Variants in UFD1 observed in about 807,000 individuals in gnomAD.
UFD1 encodes ubiquitin recognition factor in ER-associated degradation protein 1.
UFD1 carries 13 observed loss-of-function variants against 45.9 expected under a neutral mutation model. The ratio of observed to expected loss-of-function variants is 0.28; its 90% CI spans 0.18 to 0.45. UFD1 has a LOEUF of 0.45. UFD1 is among the 20% of genes least tolerant of loss of function. UFD1 has a pLI of 1.00. For missense variants in UFD1, 218 were observed against 389.2 expected, an observed-to-expected ratio of 0.56 and a Z score of 3.70; for synonymous variants, 128 against 139.2, an observed-to-expected ratio of 0.92 and a Z score of 0.56.
chr22:19,458,185 C>T (rs1189863718), intron 6 of UFD1, 46 bp from the exon 7 acceptor site: 1 of 1,607,976 alleles, frequency 6.2e-7, no homozygotes, highest in Non-Finnish European at 8.5e-7. Flanking sequence ...CCTGGCAGCA[C>T]TGGAGCTGTC....
At chr22:19,469,572 G>C (rs190771219) in intron 4 of UFD1, among the ~76,000 whole-genome samples, 133 of 152,300 alleles carry the variant, frequency 8.7e-4, no homozygotes, top group African/African-American at 2.2e-3. Context: ...GGCTAGTCCA[G>C]GGCTCGGATC....
intron 11 of UFD1, chr22:19,451,935 A>T: frequency 1.0e-6 from 1 of 985,286 alleles, no homozygotes; most frequent in Non-Finnish European, 1.2e-6. Flanking sequence ...TATTTCCTGG[A>T]TTCTATGACT....
rs140617559 is a variant in UFD1, at chr22:19,459,289, C to T, written c.496-1150G>A. On this transcript the variant is annotated intron_variant, in intron 6 of 11. Transcript: ENST00000263202. ...GTCATGTTGCTTGTGTCTAAGATGA[C>T]CTCACCTATGTAAAAAAGGCACATA... Among the ~76,000 whole-genome samples the T allele has an allele frequency of 5.3e-5, 8 of 152,280 alleles. No individual in the cohort carries two copies. The East Asian group carries it at 1.5e-3, about 29-fold the overall frequency.
rs201638789 is a variant in UFD1 at position 19,455,635 on chromosome 22, C to T, written c.767+45G>A. On this transcript the variant is annotated intron_variant, in intron 10 of 11. Transcript: ENST00000263202. ...AGGCTGCCCGACCCCAGCGGGCTGG[C>T]ACAGATCCTCCTCCTGTCCTGGAGG... is the stretch of plus-strand genomic sequence containing the variant. 2.0e-5 allele frequency: 32 copies of T among 1,597,004 alleles called. 1 individual carries two copies. In the East Asian group the frequency reaches 4.5e-4, roughly 22 times the overall value.
At chr22:19,454,891 T>C in intron 10 of UFD1, 61 bp from the exon 11 acceptor site, 1 of 1,556,214 alleles carries the variant, frequency 6.4e-7, no homozygotes, top group Non-Finnish European at 8.7e-7. Context: ...TAAAATTCAT[T>C]TTTGACAGTC....
intron 1 of UFD1, among the ~76,000 whole-genome samples, chr22:19,476,012 T>G (rs1405033900): frequency 6.6e-6 from 1 of 152,114 alleles, no homozygotes; most frequent in Non-Finnish European, 1.5e-5. Flanking sequence ...ACCACTCCAG[T>G]GATGTCTGTC....
chr22:19,465,059 G>A (rs1336156946), intron 6 of UFD1, 143 bp downstream of exon 6: 42 of 745,210 alleles, frequency 5.6e-5, no homozygotes, highest in South Asian at 5.5e-4. Flanking sequence ...TATGAACCCG[G>A]GAAAACTTAA....
intron 11 of UFD1, chr22:19,453,200 T>C: frequency 1.0e-6 from 1 of 985,318 alleles, no homozygotes; most frequent in Non-Finnish European, 1.2e-6. Context: ...AGTCCCTCAT[T>C]TCTAGAGGTG....
chr22:19,453,424 AT>A, intron 11 of UFD1: 1 of 985,408 alleles, frequency 1.0e-6, no homozygotes, highest in Non-Finnish European at 1.2e-6. Flanking sequence ...TTAAATACAT[AT>A]TTATGGTCAA....
chr22:19,450,631 G>A lies in UFD1; in HGVS notation c.*39C>T. Reference sequence around the variant, plus strand: ...AACTAAAAGCCAAGATGTTGCAAATGATTCTTTTATTATTTTCCAATCAGC... The same window carrying A: ...AACTAAAAGCCAAGATGTTGCAAATAATTCTTTTATTATTTTCCAATCAGC... On this transcript the variant is annotated 3_prime_UTR_variant, in exon 12 of 12. Coordinates refer to ENST00000263202, the MANE Select transcript of UFD1 (RefSeq NM_005659.7). 1 of 1,612,998 alleles carries A rather than the reference G, an allele frequency of 6.2e-7. No homozygotes were observed. The highest frequency in any genetic ancestry group is 1.1e-5 in the South Asian group (1 of 91,032).
chr22:19,471,002 G>A (rs1689528295), intron 4 of UFD1, among the ~76,000 whole-genome samples: 1 of 152,218 alleles, frequency 6.6e-6, no homozygotes. Flanking sequence ...TGCCAGAGCT[G>A]GGGAGAGGAG....
At chr22:19,465,094 G>A in intron 6 of UFD1, 108 bp downstream of exon 6, 1 of 1,013,222 alleles carries the variant, frequency 9.9e-7, no homozygotes, top group Non-Finnish European at 1.5e-6. Context: ...GCAGTAATTA[G>A]GTGATAAGAT....
chr22:19,478,954 C>G, intron 1 of UFD1, 129 bp downstream of exon 1: 1 of 1,310,840 alleles, frequency 7.6e-7, no homozygotes, highest in Non-Finnish European at 1.0e-6. Context: ...GCCGATGAGC[C>G]TGCAGGCCGG....
In UFD1 at chr22:19,479,175, C is replaced by G. The variant is rs562505955; in HGVS notation, c.-90G>C. 2.5e-6 allele frequency: 4 copies of G among 1,577,028 alleles called. No individual in the cohort carries two copies. Among genetic ancestry groups the G allele is most frequent in the Non-Finnish European group, 3.4e-6 (4 of 1,163,014 alleles). Reference sequence around the variant, plus strand: ...CTCTCCCAGCCGCCGCTGCCGCTGCCGCCGCGCCAAGCCGGTACGCCCCAG... The same window carrying G: ...CTCTCCCAGCCGCCGCTGCCGCTGCGGCCGCGCCAAGCCGGTACGCCCCAG... On this transcript the variant is annotated 5_prime_UTR_variant, in exon 1 of 12. Coordinates refer to ENST00000263202, the MANE Select transcript of UFD1 (RefSeq NM_005659.7).
Position 19,458,134 on chromosome 22 carries a change from G to A in UFD1, c.501C>T (p.Tyr167=). 2 of 1,614,036 alleles carry A rather than the reference G, an allele frequency of 1.2e-6. No individual in the cohort carries two copies. Among genetic ancestry groups the A allele is most frequent in the Non-Finnish European group, 1.7e-6 (2 of 1,179,932 alleles). The change falls in exon 7 of 12, where the codon TAC becomes TAT. Residue 167 remains tyrosine (Y), a synonymous_variant. Transcript: ENST00000263202. The part of the protein sequence containing the change: ...VIAINYNEKI[Y]ELRVMETKPD... ...GTTTGGTCTCCATCACACGCAGTTC[G>A]TAGATCTGTGGGGCAAACACAGAAA...
At position 19,450,648 on chromosome 22, in the gene UFD1, C is replaced by G; in HGVS notation, c.*22G>C. ...TTGCAAATGATTCTTTTATTATTTT[C>G]CAATCAGCCAACAGTCCTCACTTAG... On this transcript the variant is annotated 3_prime_UTR_variant, in exon 12 of 12. Coordinates refer to ENST00000263202, the MANE Select transcript of UFD1 (RefSeq NM_005659.7). The G allele has an allele frequency of 6.2e-7, 1 of 1,613,676 alleles. No individual in the cohort carries two copies. The highest frequency in any genetic ancestry group is 8.5e-7 in the Non-Finnish European group (1 of 1,179,796).
At chr22:19,461,977 A>G (rs867665783) in intron 6 of UFD1, among the ~76,000 whole-genome samples, 2 of 152,158 alleles carry the variant, frequency 1.3e-5, no homozygotes, top group Non-Finnish European at 1.5e-5. Context: ...TAAACATTCA[A>G]TATGCATGTA....
chr22:19,465,196 G>A lies in UFD1; in HGVS notation c.495+6C>T. On this transcript the variant is annotated splice_donor_region_variant and intron_variant, in intron 6 of 11. Coordinates refer to ENST00000263202, the MANE Select transcript of UFD1 (RefSeq NM_005659.7). ...GTCAGGAATGACCTGCATGAACTGG[G>A]CTCACCTTTTCATTATAGTTGATGG... is the stretch of plus-strand genomic sequence containing the variant. 1 of 1,613,890 alleles carries A rather than the reference G, an allele frequency of 6.2e-7. No homozygotes were observed. The highest frequency in any genetic ancestry group is 8.5e-7 in the Non-Finnish European group (1 of 1,179,776).
At chr22:19,477,361 A>G (rs1261720214) in intron 1 of UFD1, among the ~76,000 whole-genome samples, 1 of 152,254 alleles carries the variant, frequency 6.6e-6, no homozygotes, top group African/African-American at 2.4e-5. Context: ...AATATTATTC[A>G]GCTTTTAAAA....
Sources: gnomAD v4.1 joint callset for allele counts (sites outside exome capture counted in the v4.1 genomes callset) on GRCh38, gnomAD v4.1.1 for gene constraint, MANE v1.5 for transcripts, NCBI Gene and HGNC (gene_info 2026-07-23, HGNC 2026-07-21) for gene names.